Variants in PFDN1 observed in about 807,000 individuals in gnomAD.
PFDN1 encodes prefoldin subunit 1.
A neutral mutation model predicts 17.3 loss-of-function variants in PFDN1; 6 were observed. That is an observed-to-expected ratio of 0.35 (90% confidence interval 0.19 to 0.69). The LOEUF is 0.69. PFDN1 is among the 30% of genes least tolerant of loss of function. PFDN1 has a pLI of 0.65. For synonymous variants in PFDN1, 58 were observed against 50.1 expected (o/e 1.16, Z -0.67); for missense variants, 113 against 146.2 (o/e 0.77, Z 1.17).
rs1764955739 is a variant in PFDN1, at chr5:140,254,245, G to A, written c.286-8188C>T. ...ACGGGGCAGGCGGTGGTTTGCCAGT[G>A]TCTGTTCCTTAAAAAGATGGGGCTT... On this transcript the variant is annotated intron_variant, in intron 3 of 3. Coordinates refer to ENST00000261813, the MANE Select transcript of PFDN1 (RefSeq NM_002622.5). The surrounding 1 kb of genome is among the most constrained non-coding windows in gnomAD (Gnocchi z 4.4). Among the ~76,000 whole-genome samples the A allele has an allele frequency of 6.6e-6, 1 of 152,162 alleles. No homozygotes were observed. Among genetic ancestry groups the A allele is most frequent in the Admixed American group, 6.5e-5 (1 of 15,278 alleles).
chr5:140,286,892 A>G (rs1260994979), intron 2 of PFDN1, among the ~76,000 whole-genome samples: 2 of 152,136 alleles, frequency 1.3e-5, no homozygotes, highest in African/African-American at 4.8e-5. Context: ...TATAGGAGTG[A>G]GCCACCATGC....
chr5:140,299,592 T>C (rs1333743831), intron 2 of PFDN1, among the ~76,000 whole-genome samples: 11 of 143,786 alleles, frequency 7.7e-5, no homozygotes, highest in Non-Finnish European at 1.1e-4. Context: ...CGAGACTCTG[T>C]CTCAAAAAAA....
intron 3 of PFDN1, among the ~76,000 whole-genome samples, chr5:140,271,396 CA>C (rs1294510749): frequency 6.6e-6 from 1 of 152,056 alleles, no homozygotes; most frequent in East Asian, 1.9e-4. Context: ...AATATATGCA[CA>C]ATAAGAGAAA....
chr5:140,252,161 TTC>T (rs1003283386), intron 3 of PFDN1, among the ~76,000 whole-genome samples: 2 of 152,018 alleles, frequency 1.3e-5, no homozygotes, highest in Non-Finnish European at 2.9e-5. Context: ...ACACGACACT[TTC>T]TTCACATGAA....
intron 3 of PFDN1, among the ~76,000 whole-genome samples, chr5:140,248,761 T>C (rs1189747684): frequency 6.6e-6 from 1 of 152,262 alleles, no homozygotes; most frequent in Non-Finnish European, 1.5e-5. Context: ...ATCTCTGCTT[T>C]CTAACACTTT....
At chr5:140,263,803 C>T (rs1162394890) in intron 3 of PFDN1, among the ~76,000 whole-genome samples, 1 of 151,574 alleles carries the variant, frequency 6.6e-6, no homozygotes, top group Non-Finnish European at 1.5e-5. Flanking sequence ...GGGCAGATCA[C>T]GAGGTCAGGA....
chr5:140,302,217 C>T (rs1310095772), intron 1 of PFDN1, among the ~76,000 whole-genome samples: 1 of 152,186 alleles, frequency 6.6e-6, no homozygotes, highest in Non-Finnish European at 1.5e-5. Flanking sequence ...GGCACTGGTT[C>T]CTTTTCCAGA....
intron 2 of PFDN1, among the ~76,000 whole-genome samples, chr5:140,290,870 G>A (rs1045252454): frequency 2.0e-5 from 3 of 152,096 alleles, no homozygotes; most frequent in Admixed American, 2.0e-4. Context: ...TAGAAGAAGG[G>A]AAAAAATGAA....
At chr5:140,290,802 A>AT (rs1765569134) in intron 2 of PFDN1, among the ~76,000 whole-genome samples, 1 of 152,198 alleles carries the variant, frequency 6.6e-6, no homozygotes. Context: ...TTTATTCTAT[A>AT]TAAGTTATAA....
intron 3 of PFDN1, among the ~76,000 whole-genome samples, chr5:140,260,312 T>C (rs1006950005): frequency 6.6e-6 from 1 of 152,190 alleles, no homozygotes; most frequent in African/African-American, 2.4e-5. Context: ...CAGAAAAGTT[T>C]GGCAGGTACT....
intron 3 of PFDN1, among the ~76,000 whole-genome samples, chr5:140,276,780 CAAAAAAAAAAA>C (rs35889345): frequency 1.1e-4 from 5 of 46,738 alleles, no homozygotes; most frequent in East Asian, 7.8e-4. Context: ...GACACCGTCT[CAAAAAAAAAAA>C]AAAAAAAAAA....
intron 3 of PFDN1, among the ~76,000 whole-genome samples, chr5:140,275,894 A>G (rs1765283605): frequency 6.6e-6 from 1 of 152,160 alleles, no homozygotes; most frequent in Non-Finnish European, 1.5e-5. Context: ...ACCCCAACCA[A>G]TATGAACCTT....
At chr5:140,287,181 GATAA>G (rs1338559862) in intron 2 of PFDN1, among the ~76,000 whole-genome samples, 1 of 152,206 alleles carries the variant, frequency 6.6e-6, no homozygotes, top group Non-Finnish European at 1.5e-5. Context: ...TGTGTATGGG[GATAA>G]ATAAATAAGT....
chr5:140,293,910 G>A (rs1367784329), intron 2 of PFDN1, among the ~76,000 whole-genome samples: 5 of 152,010 alleles, frequency 3.3e-5, no homozygotes, highest in African/African-American at 1.2e-4. Context: ...AGATGTTGTT[G>A]TTTTCCCTTA....
intron 1 of PFDN1, 112 bp downstream of exon 1, chr5:140,302,929 T>C: frequency 2.4e-6 from 2 of 829,088 alleles, no homozygotes; most frequent in South Asian, 1.3e-5. Flanking sequence ...CATTCCCTAG[T>C]CCACTGGACC....
chr5:140,250,703 A>C (rs1178740707), intron 3 of PFDN1, among the ~76,000 whole-genome samples: 1 of 152,180 alleles, frequency 6.6e-6, no homozygotes, highest in African/African-American at 2.4e-5. Context: ...ATGTACACAC[A>C]CTTTTTAGTT....
At position 140,254,118 on chromosome 5, in the gene PFDN1, T is replaced by C. The variant is rs1004336878; in HGVS notation, c.286-8061A>G. 1.2e-4 allele frequency among the ~76,000 whole-genome samples: 19 copies of C among 152,222 alleles called. No individual in the cohort carries two copies. The highest frequency in any genetic ancestry group is 6.5e-5 in the Admixed American group (1 of 15,280). ...CTGTTACAACTACTCAGCTCTGCCA[T>C]TGTAGCACAAAAGCAGTCAGACAAT... On this transcript the variant is annotated intron_variant, in intron 3 of 3. Coordinates refer to ENST00000261813, the MANE Select transcript of PFDN1 (RefSeq NM_002622.5). The surrounding 1 kb of genome is among the most constrained non-coding windows in gnomAD (Gnocchi z 4.4).
chr5:140,300,992 T>C (rs1765736150), intron 1 of PFDN1, among the ~76,000 whole-genome samples: 2 of 152,234 alleles, frequency 1.3e-5, no homozygotes. Context: ...AACATGGGAA[T>C]ATTAATATAA....
At position 140,245,362 on chromosome 5, in the gene PFDN1, T is replaced by A; in HGVS notation, c.*612A>T. On this transcript the variant is annotated 3_prime_UTR_variant, in exon 4 of 4. Coordinates refer to ENST00000261813, the MANE Select transcript of PFDN1 (RefSeq NM_002622.5). Reference sequence around the variant, plus strand: ...GTATGGGAGAAGGCAGGGAAAGGAATCTTTAGGCAGACTGCCATCCAGGGA... The same window carrying A: ...GTATGGGAGAAGGCAGGGAAAGGAAACTTTAGGCAGACTGCCATCCAGGGA... 1 of 670,486 alleles carries A rather than the reference T, an allele frequency of 1.5e-6. No homozygotes were observed. Among genetic ancestry groups the A allele is most frequent in the Non-Finnish European group, 2.7e-6 (1 of 368,508 alleles). The allele number at this position is 670,486 out of a possible 1,614,324, so 41.5% of individuals were successfully genotyped here.
Sources: gnomAD v4.1 joint callset for allele counts (sites outside exome capture counted in the v4.1 genomes callset) on GRCh38, gnomAD v4.1.1 for gene constraint, Gnocchi (gnomAD v3.1) non-coding constraint, MANE v1.5 for transcripts, NCBI Gene and HGNC (gene_info 2026-07-23, HGNC 2026-07-21) for gene names.